The following XRN1 variants were observed in gnomAD, a reference collection of about 807,000 sequenced individuals.
The protein encoded by XRN1 is strand-exchange protein 1 homolog.
In XRN1, 67 loss-of-function variants were observed where a neutral mutation model predicts 222.3. That is an observed-to-expected ratio of 0.30 (90% CI 0.25 to 0.37). The LOEUF is 0.37. XRN1 is among the 10% of genes least tolerant of loss of function. The pLI, the probability that XRN1 is intolerant of heterozygous loss-of-function variation, is 1.00. For synonymous variants in XRN1, 643 were observed against 652.4 expected (o/e 0.99, Z 0.22); for missense variants, 1,707 against 2,000.2 (o/e 0.85, Z 2.80).
chr3:142,400,631 T>C, intron 18 of XRN1, 84 bp from the exon 19 acceptor site: 1 of 1,047,508 alleles, frequency 9.5e-7, no homozygotes, highest in African/African-American at 1.6e-5. Context: ...AATCTCCATT[T>C]AAGTTTTTTA....
chr3:142,431,887 T>TA (rs1259855326), intron 2 of XRN1, among the ~76,000 whole-genome samples: 796 of 34,364 alleles, frequency 0.023, 32 homozygotes, highest in African/African-American at 0.12. Context: ...ATATATATTA[T>TA]ATATAATATA....
intron 20 of XRN1, among the ~76,000 whole-genome samples, chr3:142,393,126 T>C (rs1278667203): frequency 1.3e-5 from 2 of 149,224 alleles, no homozygotes; most frequent in African/African-American, 5.0e-5. Flanking sequence ...ATGTCTTCTT[T>C]TGAGAAGTGT....
Position 142,327,351 on chromosome 3 carries a change from TCATC to T in XRN1, c.4404+2079_4404+2082del, listed in dbSNP as rs202082595. On this transcript the variant is annotated intron_variant, in intron 37 of 40. Transcript: ENST00000392981. ...GGTATGTTTTTATGTGTCTCGGAAT[TCATC>T]CATTTCTTCTAAGTTTTCCAATTTA... Among the ~76,000 whole-genome samples, 625 of 152,270 alleles carry T rather than the reference TCATC, an allele frequency of 4.1e-3. 8 individuals carry two copies. Among genetic ancestry groups the T allele is most frequent in the Non-Finnish European group, 3.0e-3 (206 of 68,004 alleles).
intron 15 of XRN1, among the ~76,000 whole-genome samples, chr3:142,411,338 T>C (rs1038125850): frequency 6.6e-6 from 1 of 152,216 alleles, no homozygotes; most frequent in Non-Finnish European, 1.5e-5. Flanking sequence ...GTTCATTTTC[T>C]GTAGATTTCT....
intron 39 of XRN1, among the ~76,000 whole-genome samples, chr3:142,318,307 G>T (rs1248735889): frequency 6.7e-6 from 1 of 148,868 alleles, no homozygotes; most frequent in Non-Finnish European, 1.5e-5. Flanking sequence ...GAAATTACAT[G>T]ATTTTTTTTT....
intron 1 of XRN1, among the ~76,000 whole-genome samples, chr3:142,438,446 G>C (rs2070026829): frequency 6.6e-6 from 1 of 152,166 alleles, no homozygotes; most frequent in African/African-American, 2.4e-5. Flanking sequence ...GATAAGCAGA[G>C]GTCCATGGGT....
At chr3:142,336,233 A>G (rs2065847864) in intron 33 of XRN1, among the ~76,000 whole-genome samples, 1 of 152,184 alleles carries the variant, frequency 6.6e-6, no homozygotes, top group South Asian at 2.1e-4. Flanking sequence ...AAGATGAAAA[A>G]TATGAGGGGC....
chr3:142,313,393 G>C (rs1327457258), intron 39 of XRN1, among the ~76,000 whole-genome samples: 1 of 152,146 alleles, frequency 6.6e-6, no homozygotes. Flanking sequence ...CAGGGCCTCA[G>C]ACCTAGTAAG....
rs370653107 is a variant in XRN1 at position 142,432,222 on chromosome 3, T to A, written c.308+439A>T. Among the ~76,000 whole-genome samples the A allele has an allele frequency of 7.1e-3, 684 of 96,552 alleles. 1 individual carries two copies. Among genetic ancestry groups the A allele is most frequent in the African/African-American group, 0.031 (650 of 21,192 alleles). The allele number at this position is 96,552 out of a possible 152,430, so 63.3% of individuals were successfully genotyped here. On this transcript the variant is annotated intron_variant, in intron 2 of 40. Transcript: ENST00000392981. ...TTTTATATATAATTAATTATATATA[T>A]AATTAATTATATATATATAAAATTT...
intron 37 of XRN1, among the ~76,000 whole-genome samples, chr3:142,328,431 A>C (rs1397669215): frequency 6.6e-6 from 1 of 151,692 alleles, no homozygotes; most frequent in Admixed American, 6.6e-5. Flanking sequence ...ATTTCCATTT[A>C]TTTGTATAGT....
chr3:142,442,682 C>T (rs925607465), intron 1 of XRN1, among the ~76,000 whole-genome samples: 1 of 152,140 alleles, frequency 6.6e-6, no homozygotes. Context: ...GTAAAGTGTG[C>T]CAAAGAAATA....
At chr3:142,323,457 C>G (rs2065421047) in intron 37 of XRN1, among the ~76,000 whole-genome samples, 1 of 152,092 alleles carries the variant, frequency 6.6e-6, no homozygotes, top group Admixed American at 6.6e-5. Flanking sequence ...GCTGGGATTA[C>G]AGACGTGAGA....
At chr3:142,443,851 T>C (rs2070369942) in intron 1 of XRN1, among the ~76,000 whole-genome samples, 3 of 152,132 alleles carry the variant, frequency 2.0e-5, no homozygotes, top group Admixed American at 1.3e-4. Flanking sequence ...AACAAATGAA[T>C]GGATAAAGAA....
Position 142,397,320 on chromosome 3 carries a change from G to T in XRN1, c.2339+9C>A. The T allele has an allele frequency of 6.4e-7, 1 of 1,570,756 alleles. No homozygotes were observed. The highest frequency in any genetic ancestry group is 1.2e-5 in the South Asian group (1 of 82,758). On this transcript the variant is annotated intron_variant, in intron 20 of 40. Coordinates refer to ENST00000392981, the MANE Select transcript of XRN1 (RefSeq NM_001282857.2). Reference sequence around the variant, plus strand: ...TTCCATGATATTAAATACTTTTAACGATACTCACTGTTCTGAAATTCCTTG... The same window carrying T: ...TTCCATGATATTAAATACTTTTAACTATACTCACTGTTCTGAAATTCCTTG...
intron 2 of XRN1, 94 bp downstream of exon 2, chr3:142,432,567 C>T: frequency 3.4e-6 from 4 of 1,180,114 alleles, no homozygotes; most frequent in Non-Finnish European, 4.7e-6. Flanking sequence ...AGAAAATAAA[C>T]ATGAACAGAA....
At chr3:142,376,293 C>T (rs2067140612) in intron 24 of XRN1, 186 bp downstream of exon 24, 1 of 673,048 alleles carries the variant, frequency 1.5e-6, no homozygotes, top group Non-Finnish European at 2.5e-6. Context: ...AAAATAAGAA[C>T]TGTCTTTTCC....
At chr3:142,340,955 A>T (rs551914919) in intron 33 of XRN1, among the ~76,000 whole-genome samples, 1 of 152,310 alleles carries the variant, frequency 6.6e-6, no homozygotes, top group African/African-American at 2.4e-5. Flanking sequence ...AAAAAACATT[A>T]ATGAGCAGTA....
At chr3:142,416,367 G>T (rs1252513412) in intron 13 of XRN1, among the ~76,000 whole-genome samples, 2 of 152,080 alleles carry the variant, frequency 1.3e-5, no homozygotes, top group Non-Finnish European at 2.9e-5. Flanking sequence ...ATTTTTAGTA[G>T]AGATGGGGTT....
intron 20 of XRN1, among the ~76,000 whole-genome samples, chr3:142,391,300 C>T (rs752211062): frequency 6.6e-6 from 1 of 152,126 alleles, no homozygotes; most frequent in Non-Finnish European, 1.5e-5. Context: ...TATTTCGATG[C>T]TTCTATTAAA....
Sources: allele counts gnomAD v4.1 joint callset (sites outside exome capture counted in the v4.1 genomes callset), GRCh38; gene constraint gnomAD v4.1.1; transcripts MANE v1.5; gene names NCBI Gene and HGNC (gene_info 2026-07-23, HGNC 2026-07-21).